Variants in PTPRF observed in about 807,000 individuals in gnomAD.
PTPRF encodes protein tyrosine phosphatase receptor type F, also known as receptor-type tyrosine-protein phosphatase F.
PTPRF carries 59 observed loss-of-function variants against 201.8 expected under a neutral mutation model. The observed-to-expected ratio is 0.29, with a 90% CI of 0.24 to 0.36. The LOEUF (loss-of-function observed/expected upper bound fraction) is 0.36, where lower values mean the gene tolerates loss of function less well. PTPRF is among the 10% of genes least tolerant of loss of function. The pLI is 1.00. For synonymous variants in PTPRF, 1,088 were observed against 1,089.7 expected (o/e 1.00, Z 0.03); for missense variants, 2,132 against 2,690.5 (o/e 0.79, Z 4.59).
rs577574301 is a variant in PTPRF, at chr1:43,554,689, A to T, written c.379+748A>T. 5.6e-4 allele frequency among the ~76,000 whole-genome samples: 85 copies of T among 152,200 alleles called. No individual in the cohort carries two copies. Among genetic ancestry groups the T allele is most frequent in the South Asian group, 4.1e-3 (20 of 4,820 alleles). ...AGGTTTGGAGGGCAGATTACACAGG[A>T]TCTGGCTGAGAAATGAACACTCTCC... On this transcript the variant is annotated intron_variant, in intron 5 of 33. Transcript: ENST00000359947. The surrounding 1 kb of genome is among the most constrained non-coding windows in gnomAD (Gnocchi z 4.1).
At position 43,573,977 on chromosome 1, in the gene PTPRF, C is replaced by CTTTTTTTTTTT. The variant is rs77543816; in HGVS notation, c.568+4225_568+4235dup. Among the ~76,000 whole-genome samples the CTTTTTTTTTTT allele has an allele frequency of 4.2e-4, 27 of 63,914 alleles. 3 individuals are homozygous for CTTTTTTTTTTT. The highest frequency in any genetic ancestry group is 4.8e-4 in the Non-Finnish European group (18 of 37,266). The allele number at this position is 63,914 out of a possible 152,430, so 41.9% of individuals were successfully genotyped here. On this transcript the variant is annotated intron_variant, in intron 6 of 33. Transcript: ENST00000359947. The stretch of plus-strand genomic sequence containing the variant: ...CAAAGAGGGTTTGCTTGTGTGGGTT[C>CTTTTTTTTTTT]TTTTTTTTTTTTTTTTTTTTTTTTT...
At position 43,542,970 on chromosome 1, in the gene PTPRF, T is replaced by C. The variant is rs1557672154; in HGVS notation, c.-45-2061T>C. On this transcript the variant is annotated intron_variant, in intron 2 of 33. Coordinates refer to ENST00000359947, the MANE Select transcript of PTPRF (RefSeq NM_002840.5). The surrounding 1 kb of genome is among the most constrained non-coding windows in gnomAD (Gnocchi z 5.2). ...GCCTGCCTGGCAGGGGTTGCATGCT[T>C]GGAATGCTTGTTCCTGGAAGTTAAC... 6.6e-6 allele frequency among the ~76,000 whole-genome samples: 1 copy of C among 152,140 alleles called. No homozygotes were observed. Among genetic ancestry groups the C allele is most frequent in the Non-Finnish European group, 1.5e-5 (1 of 68,004 alleles).
intron 3 of PTPRF, among the ~76,000 whole-genome samples, chr1:43,551,790 C>A (rs182648920): frequency 1.1e-3 from 166 of 152,308 alleles, no homozygotes; most frequent in African/African-American, 3.8e-3. Flanking sequence ...CCACGTAAAG[C>A]AGTTTACAGC....
At chr1:43,580,493 C>T (rs1335638464) in intron 7 of PTPRF, among the ~76,000 whole-genome samples, 2 of 152,200 alleles carry the variant, frequency 1.3e-5, no homozygotes, top group Admixed American at 6.5e-5. Context: ...GGTCCCCTAG[C>T]TTACTGTCAG....
At chr1:43,592,309 C>G (rs1431741320) in intron 10 of PTPRF, 148 bp from the exon 11 acceptor site, 5 of 1,035,850 alleles carry the variant, frequency 4.8e-6, no homozygotes, top group Non-Finnish European at 7.0e-6. Flanking sequence ...CCCTGAGTTC[C>G]TTTTGTGCTC....
At chr1:43,547,346 A>G (rs1222429259) in intron 3 of PTPRF, among the ~76,000 whole-genome samples, 1 of 152,248 alleles carries the variant, frequency 6.6e-6, no homozygotes, top group Non-Finnish European at 1.5e-5. Flanking sequence ...AAGCAGCTGA[A>G]GAAGCTGAAA....
chr1:43,545,129 G>A lies in PTPRF; in HGVS notation c.54G>A (p.Leu18=). ...GRTMVPLVPA[L]VMLGLVAGAH... is the part of the protein sequence containing the mutation. The stretch of plus-strand genomic sequence containing the variant: ...CGATGGTGCCCCTTGTGCCTGCACT[G>A]GTGATGCTTGGTTTGGTGGCAGGCG... The change falls in exon 3 of 34, where the codon CTG becomes CTA. Residue 18 remains leucine, a synonymous_variant. Coordinates refer to ENST00000359947, the MANE Select transcript of PTPRF (RefSeq NM_002840.5). 1.3e-6 allele frequency: 2 copies of A among 1,589,622 alleles called. No homozygotes were observed. Among genetic ancestry groups the A allele is most frequent in the Non-Finnish European group, 1.7e-6 (2 of 1,167,580 alleles).
chr1:43,589,423 C>T (rs78562325), intron 8 of PTPRF, among the ~76,000 whole-genome samples: 2 of 151,774 alleles, frequency 1.3e-5, no homozygotes, highest in East Asian at 3.9e-4. Context: ...ATCTCACCCT[C>T]ACCACTACAT....
upstream of PTPRF, chr1:43,528,449 C>T (rs540914608): frequency 5.9e-5 from 9 of 152,378 alleles, no homozygotes; most frequent in African/African-American, 1.7e-4. Flanking sequence ...CCTCAGCCCC[C>T]CAAAGTGCTG....
At position 43,542,822 on chromosome 1, in the gene PTPRF, G is replaced by A. The variant is rs1024978402; in HGVS notation, c.-45-2209G>A. 2.6e-5 allele frequency among the ~76,000 whole-genome samples: 4 copies of A among 152,140 alleles called. No homozygotes were observed. Among genetic ancestry groups the A allele is most frequent in the African/African-American group, 9.7e-5 (4 of 41,420 alleles). On this transcript the variant is annotated intron_variant, in intron 2 of 33. Transcript: ENST00000359947. This position sits in a 1 kb window ranked among gnomAD's most constrained non-coding sequence, Gnocchi z 5.2. The stretch of plus-strand genomic sequence containing the variant: ...ACTGCTATGATTACTGCACCAAGGC[G>A]GCTACAGGGGATTAAGCCTCTGCTC...
intron 3 of PTPRF, among the ~76,000 whole-genome samples, chr1:43,548,735 A>G (rs1309184082): frequency 1.3e-5 from 2 of 152,162 alleles, no homozygotes; most frequent in African/African-American, 4.8e-5. Flanking sequence ...ACAGGAGCTC[A>G]CTGAGTCCCA....
At chr1:43,597,162 A>ATT (rs1652494799) in intron 11 of PTPRF, among the ~76,000 whole-genome samples, 1 of 121,340 alleles carries the variant, frequency 8.2e-6, no homozygotes, top group Non-Finnish European at 1.8e-5. Context: ...TATACGTGAG[A>ATT]CTGTGAGACA....
chr1:43,571,188 C>T (rs1646544893), intron 6 of PTPRF, among the ~76,000 whole-genome samples: 1 of 152,242 alleles, frequency 6.6e-6, no homozygotes, highest in Non-Finnish European at 1.5e-5. Flanking sequence ...TCGGCAGCAG[C>T]TAACATTCCT....
In PTPRF at chr1:43,622,032, C is replaced by G. The variant is rs373367448; in HGVS notation, c.*29C>G. The stretch of plus-strand genomic sequence containing the variant: ...CCGCTCCCCTCTCCTCCGCCACCCC[C>G]GCCGTGGGGCTCCGGAGGGGACCCA... On this transcript the variant is annotated 3_prime_UTR_variant, in exon 34 of 34. Coordinates refer to ENST00000359947, the MANE Select transcript of PTPRF (RefSeq NM_002840.5). 2 of 1,609,456 alleles carry G rather than the reference C, an allele frequency of 1.2e-6. No homozygotes were observed. The highest frequency in any genetic ancestry group is 1.3e-5 in the African/African-American group (1 of 74,858).
intron 3 of PTPRF, among the ~76,000 whole-genome samples, chr1:43,550,170 G>GCAGGCTC (rs924255181): frequency 3.3e-5 from 5 of 152,146 alleles, no homozygotes; most frequent in African/African-American, 1.2e-4. Context: ...CGGGCAGGGT[G>GCAGGCTC]CAGGCTCCTC....
rs1475976235 is a variant in PTPRF at position 43,546,931 on chromosome 1, C to G, written c.91+1765C>G. Among the ~76,000 whole-genome samples the G allele has an allele frequency of 6.6e-6, 1 of 152,220 alleles. No homozygotes were observed. The highest frequency in any genetic ancestry group is 2.4e-5 in the African/African-American group (1 of 41,468). ...CACTTCTCTCTCTACCGCCTTCATC[C>G]AAGCCACCCTCGGCTCTTGGGCTTT... is the stretch of plus-strand genomic sequence containing the variant. On this transcript the variant is annotated intron_variant, in intron 3 of 33. Transcript: ENST00000359947. This position sits in a 1 kb window ranked among gnomAD's most constrained non-coding sequence, Gnocchi z 4.2.
intron 5 of PTPRF, among the ~76,000 whole-genome samples, chr1:43,560,265 A>G (rs1406640839): frequency 1.3e-5 from 2 of 148,868 alleles, no homozygotes; most frequent in Admixed American, 6.7e-5. Flanking sequence ...GTGTGTGTGT[A>G]CATGCGCACA....
At chr1:43,586,766 G>T (rs1392933708) in intron 7 of PTPRF, among the ~76,000 whole-genome samples, 1 of 152,212 alleles carries the variant, frequency 6.6e-6, no homozygotes, top group Admixed American at 6.5e-5. Context: ...TTCTCAAGCA[G>T]CTTTTCCTGT....
In PTPRF at chr1:43,604,966, T is replaced by A; in HGVS notation, c.3101T>A (p.Val1034Asp). The change falls in exon 17 of 34, where the codon GTT becomes GAT. Residue 1034 changes from valine to aspartate, a missense_variant. Physicochemically the swap from Val to Asp is radical, Grantham distance 152. Coordinates refer to ENST00000359947, the MANE Select transcript of PTPRF (RefSeq NM_002840.5). Reference protein sequence around the residue: ...MKTSVLLSWEVPDSYKSAVPF... With the variant: ...MKTSVLLSWEDPDSYKSAVPF... ...ACGTCTGTGCTGCTCAGCTGGGAGG[T>A]TCCCGACTCCTATAAGTCAGCTGTG... 1 of 1,614,022 alleles carries A rather than the reference T, an allele frequency of 6.2e-7. No individual in the cohort carries two copies. The highest frequency in any genetic ancestry group is 8.5e-7 in the Non-Finnish European group (1 of 1,180,022).
Sources: allele counts gnomAD v4.1 joint callset (sites outside exome capture counted in the v4.1 genomes callset), GRCh38; gene constraint gnomAD v4.1.1; non-coding constraint Gnocchi (gnomAD v3.1); transcripts MANE v1.5; gene names NCBI Gene and HGNC (gene_info 2026-07-23, HGNC 2026-07-21).